SMCO4: variants seen among roughly 807,000 people sequenced by gnomAD.
SMCO4 encodes the protein single-pass membrane and coiled-coil domain-containing protein 4.
In SMCO4, 4 loss-of-function variants were observed where a neutral mutation model predicts 3.6. The ratio of observed to expected loss-of-function variants is 1.11; its 90% CI spans 0.54 to 2.53. The LOEUF is 2.53. SMCO4 is among the 30% of genes most tolerant of loss of function. The pLI is 0.02. For synonymous variants in SMCO4, 36 were observed against 35.3 expected (o/e 1.02, Z -0.07); for missense variants, 70 against 80.8 (o/e 0.87, Z 0.51).
intron 2 of SMCO4, among the ~76,000 whole-genome samples, chr11:93,479,550 G>A (rs1379680388): frequency 1.3e-5 from 2 of 152,206 alleles, no homozygotes; most frequent in East Asian, 3.9e-4. Flanking sequence ...GCCATGAGGT[G>A]AAAGGATTGG....
chr11:93,553,553 A>G, the SMCO4 span, among the ~76,000 whole-genome samples: 6 of 152,238 alleles, frequency 3.9e-5, no homozygotes, highest in Non-Finnish European at 7.3e-5. Context: ...ATCATGTTAC[A>G]GTGTTGCAGA....
At chr11:93,534,090 C>G (rs1420643324) in intron 1 of SMCO4, among the ~76,000 whole-genome samples, 2 of 151,096 alleles carry the variant, frequency 1.3e-5, no homozygotes, top group African/African-American at 2.4e-5. Flanking sequence ...ACTAGGGAGG[C>G]TGAGGCAGGA....
In SMCO4 at chr11:93,499,280, TCTTCAA is replaced by T. The variant is rs1287398963; in HGVS notation, c.-91_-86del. 2.0e-5 allele frequency: 3 copies of T among 152,384 alleles called. No homozygotes were observed. Among genetic ancestry groups the T allele is most frequent in the South Asian group, 2.1e-4 (1 of 4,832 alleles). 9.4% of individuals were successfully genotyped at this position (152,384 alleles called of 1,614,324 possible). On this transcript the variant is annotated 5_prime_UTR_variant, in exon 2 of 3. Transcript: ENST00000298966. ...CCCTTATAAGAGAATGTTTACCTTT[TCTTCAA>T]CTTCAAGAATCGTTGATTAATTTCA... is the stretch of plus-strand genomic sequence containing the variant.
chr11:93,523,650 C>T (rs577780699), intron 1 of SMCO4, among the ~76,000 whole-genome samples: 1 of 152,192 alleles, frequency 6.6e-6, no homozygotes, highest in Admixed American at 6.5e-5. Flanking sequence ...CAGAGCAAGA[C>T]CCCGCAAGAA....
At position 93,499,846 on chromosome 11, in the gene SMCO4, G is replaced by A. The variant is rs372656749; in HGVS notation, c.-153-498C>T. Reference sequence around the variant, plus strand: ...AGATGAGAAAGTGACCCAGGCATCCGAACTACCGTCCCATAACATCAGAGA... The same window carrying A: ...AGATGAGAAAGTGACCCAGGCATCCAAACTACCGTCCCATAACATCAGAGA... On this transcript the variant is annotated intron_variant, in intron 1 of 2. Coordinates refer to ENST00000298966, the MANE Select transcript of SMCO4 (RefSeq NM_020179.3). Among the ~76,000 whole-genome samples the A allele has an allele frequency of 6.6e-5, 10 of 152,284 alleles. No individual in the cohort carries two copies. In the East Asian group the frequency reaches 1.4e-3, roughly 21 times the overall value.
chr11:93,514,303 T>A (rs1948984680), intron 1 of SMCO4, among the ~76,000 whole-genome samples: 1 of 145,000 alleles, frequency 6.9e-6, no homozygotes, highest in Non-Finnish European at 1.5e-5. Context: ...GTCATCAATA[T>A]AATGATCAGA....
chr11:93,491,064 T>C lies in SMCO4; in HGVS notation c.-81+8212A>G, dbSNP rs190271488. Among the ~76,000 whole-genome samples the C allele has an allele frequency of 2.7e-3, 415 of 152,360 alleles. 4 individuals carry two copies. Among genetic ancestry groups the C allele is most frequent in the African/African-American group, 9.4e-3 (389 of 41,588 alleles). On this transcript the variant is annotated intron_variant, in intron 2 of 2. Coordinates refer to ENST00000298966, the MANE Select transcript of SMCO4 (RefSeq NM_020179.3). ...TATACCGTCATTCCTTAGATGGCAG[T>C]TCTTTATCCAAACCTGTAGGTTCCC...
At chr11:93,552,189 C>T in the SMCO4 span, among the ~76,000 whole-genome samples, 2 of 133,088 alleles carry the variant, frequency 1.5e-5, no homozygotes, top group East Asian at 4.7e-4. Context: ...CACAGTTTCA[C>T]TCTGTCGCTC....
intron 2 of SMCO4, chr11:93,481,487 C>A: frequency 2.0e-6 from 2 of 985,396 alleles, no homozygotes; most frequent in Non-Finnish European, 2.4e-6. Context: ...GGGCTTGGCA[C>A]AGAGCGGGCG....
intron 1 of SMCO4, chr11:93,535,548 T>A (rs925742177): frequency 1.1e-5 from 16 of 1,448,188 alleles, no homozygotes; most frequent in South Asian, 6.8e-5. Context: ...GGCAGCATCA[T>A]ATCACCTTGA....
chr11:93,535,593 G>C, intron 1 of SMCO4: 1 of 1,539,642 alleles, frequency 6.5e-7, no homozygotes, highest in Middle Eastern at 2.3e-4. Context: ...CCATTCCAAA[G>C]AAAGGTACTG....
At chr11:93,529,269 C>T (rs2134629454) in intron 1 of SMCO4, among the ~76,000 whole-genome samples, 1 of 152,298 alleles carries the variant, frequency 6.6e-6, no homozygotes, top group East Asian at 1.9e-4. Flanking sequence ...TTGTAACACT[C>T]ACTTTTCTAG....
At chr11:93,517,247 C>A (rs1452874047) in intron 1 of SMCO4, among the ~76,000 whole-genome samples, 2 of 152,170 alleles carry the variant, frequency 1.3e-5, no homozygotes, top group Non-Finnish European at 2.9e-5. Flanking sequence ...AAGCATGAAG[C>A]AGAGAGCTCA....
intron 1 of SMCO4, among the ~76,000 whole-genome samples, chr11:93,517,733 A>T (rs981084052): frequency 2.0e-5 from 3 of 152,186 alleles, no homozygotes; most frequent in Admixed American, 2.0e-4. Context: ...TTTACAGAAG[A>T]AAAAACAGGC....
chr11:93,511,094 G>A (rs191959883), intron 1 of SMCO4, among the ~76,000 whole-genome samples: 241 of 152,000 alleles, frequency 1.6e-3, no homozygotes, highest in African/African-American at 5.4e-3. Context: ...GCAAGACTCC[G>A]TCTCAAAATG....
chr11:93,485,220 C>T (rs2134572404), intron 2 of SMCO4, among the ~76,000 whole-genome samples: 1 of 152,292 alleles, frequency 6.6e-6, no homozygotes, highest in East Asian at 1.9e-4. Flanking sequence ...CAGGGGCTCA[C>T]ACTGCCCTCC....
At chr11:93,501,926 T>G (rs142186016) in intron 1 of SMCO4, among the ~76,000 whole-genome samples, 76 of 151,986 alleles carry the variant, frequency 5.0e-4, no homozygotes, top group African/African-American at 1.8e-3. Flanking sequence ...GCACACACAC[T>G]TGGAACCCCT....
intron 1 of SMCO4, among the ~76,000 whole-genome samples, chr11:93,522,702 G>C (rs920858775): frequency 2.6e-5 from 4 of 152,234 alleles, no homozygotes; most frequent in Non-Finnish European, 5.9e-5. Context: ...TATAACATAA[G>C]TCTGGGAGTC....
intron 1 of SMCO4, among the ~76,000 whole-genome samples, chr11:93,513,659 G>A (rs1012036499): frequency 6.6e-6 from 1 of 152,244 alleles, no homozygotes; most frequent in African/African-American, 2.4e-5. Flanking sequence ...AGGTTTGTCT[G>A]TGAGAGGAAG....
Sources: allele counts gnomAD v4.1 joint callset (sites outside exome capture counted in the v4.1 genomes callset), GRCh38; gene constraint gnomAD v4.1.1; transcripts MANE v1.5; gene names NCBI Gene and HGNC (gene_info 2026-07-23, HGNC 2026-07-21).